Variants in CSMD1 observed in about 807,000 individuals in gnomAD.
CSMD1 encodes the protein CUB and Sushi multiple domains 1, also known as CUB and sushi domain-containing protein 1.
In CSMD1, 213 loss-of-function variants were observed where a neutral mutation model predicts 417.5. The observed-to-expected ratio is 0.51, with a 90% CI of 0.46 to 0.57. The LOEUF is 0.57. CSMD1 is among the 20% of genes least tolerant of loss of function. The pLI, the probability that CSMD1 is intolerant of heterozygous loss-of-function variation, is 0.00. For synonymous variants in CSMD1, 2,862 were observed against 1,736.8 expected (o/e 1.65, Z -16.11); for missense variants, 6,923 against 4,529.7 (o/e 1.53, Z -15.17).
intron 25 of CSMD1, among the ~76,000 whole-genome samples, chr8:3,301,155 T>C (rs1804371762): frequency 6.6e-6 from 1 of 152,046 alleles, no homozygotes; most frequent in African/African-American, 2.4e-5. Context: ...TCAAAATCTA[T>C]ATAGACATTA....
intron 3 of CSMD1, among the ~76,000 whole-genome samples, chr8:4,303,899 C>T (rs942171143): frequency 3.9e-5 from 6 of 152,078 alleles, no homozygotes; most frequent in Non-Finnish European, 8.8e-5. Context: ...TTGTGATCTG[C>T]CTGCCTCAGC....
rs183558291 is a variant in CSMD1, at chr8:4,312,214, T to C, written c.415+107739A>G. Among the ~76,000 whole-genome samples the C allele has an allele frequency of 2.1e-4, 32 of 152,000 alleles. No homozygotes were observed. The East Asian group carries it at 6.0e-3, about 29-fold the overall frequency. On this transcript the variant is annotated intron_variant, in intron 3 of 69. Transcript: ENST00000635120. Reference sequence around the variant, plus strand: ...CATACACACTATCTATATGCATGTGTAGAATGCATAGATAGCGTAACTGAT... The same window carrying C: ...CATACACACTATCTATATGCATGTGCAGAATGCATAGATAGCGTAACTGAT...
At chr8:3,941,344 C>G (rs1585004661) in intron 5 of CSMD1, among the ~76,000 whole-genome samples, 1 of 152,094 alleles carries the variant, frequency 6.6e-6, no homozygotes, top group Non-Finnish European at 1.5e-5. Flanking sequence ...TTTTCTTCTA[C>G]ATTGTATAAT....
At chr8:4,034,293 T>A (rs1158786784) in intron 3 of CSMD1, among the ~76,000 whole-genome samples, 1 of 152,220 alleles carries the variant, frequency 6.6e-6, no homozygotes, top group Non-Finnish European at 1.5e-5. Context: ...TATTGAATAT[T>A]ATTGACATGT....
At chr8:4,196,216 T>TA (rs757560583) in intron 3 of CSMD1, among the ~76,000 whole-genome samples, 23 of 152,090 alleles carry the variant, frequency 1.5e-4, no homozygotes, top group Middle Eastern at 3.4e-3. Flanking sequence ...GTTTCAAAAA[T>TA]AAATAAATAA....
At chr8:3,440,241 G>A (rs1444986533) in intron 12 of CSMD1, among the ~76,000 whole-genome samples, 1 of 152,090 alleles carries the variant, frequency 6.6e-6, no homozygotes, top group Non-Finnish European at 1.5e-5. Context: ...ATCAATTTGG[G>A]AGATTTGAGA....
intron 3 of CSMD1, among the ~76,000 whole-genome samples, chr8:4,285,998 G>T (rs537068546): frequency 6.6e-6 from 1 of 152,166 alleles, no homozygotes; most frequent in African/African-American, 2.4e-5. Flanking sequence ...ACCTCTGACA[G>T]CAAGCAGGTT....
chr8:3,129,221 A>C (rs778735156), intron 41 of CSMD1, among the ~76,000 whole-genome samples: 1 of 152,216 alleles, frequency 6.6e-6, no homozygotes, highest in Admixed American at 6.5e-5. Flanking sequence ...AAGGGGATTT[A>C]TGGGTATCTC....
At chr8:3,058,068 T>G (rs1812355057) in intron 49 of CSMD1, among the ~76,000 whole-genome samples, 1 of 152,164 alleles carries the variant, frequency 6.6e-6, no homozygotes, top group Non-Finnish European at 1.5e-5. Flanking sequence ...CAAATATTCT[T>G]CTTATTCTGC....
chr8:3,892,652 G>T (rs1471548251), intron 5 of CSMD1, among the ~76,000 whole-genome samples: 1 of 151,502 alleles, frequency 6.6e-6, no homozygotes, highest in Non-Finnish European at 1.5e-5. Flanking sequence ...GCACGTCGTG[G>T]GATTTTTGGA....
intron 25 of CSMD1, 71 bp from the exon 26 acceptor site, chr8:3,284,417 A>T (rs1802988350): frequency 5.8e-6 from 7 of 1,197,472 alleles, no homozygotes; most frequent in Non-Finnish European, 8.5e-6. Context: ...CTGTAAAGTA[A>T]GCAAGCTCAT....
At chr8:4,696,889 C>A (rs1198157944) in intron 1 of CSMD1, among the ~76,000 whole-genome samples, 1 of 152,160 alleles carries the variant, frequency 6.6e-6, no homozygotes, top group Non-Finnish European at 1.5e-5. Context: ...TTCAAAAAAT[C>A]AGGGCCAGGT....
At chr8:4,967,922 T>A (rs6991718) in intron 1 of CSMD1, among the ~76,000 whole-genome samples, 56,997 of 151,786 alleles carry the variant, frequency 0.38, 11,165 homozygotes, top group Non-Finnish European at 0.43. Context: ...TTTGAAACTT[T>A]CCAAAATGAT....
intron 52 of CSMD1, among the ~76,000 whole-genome samples, chr8:3,007,354 T>G (rs1486129371): frequency 4.6e-5 from 7 of 151,858 alleles, no homozygotes; most frequent in Non-Finnish European, 4.4e-5. Flanking sequence ...ATTGTGGAAG[T>G]CAGTGTGGCG....
intron 30 of CSMD1, among the ~76,000 whole-genome samples, chr8:3,211,140 G>C (rs1013110660): frequency 6.6e-6 from 1 of 152,148 alleles, no homozygotes; most frequent in Non-Finnish European, 1.5e-5. Flanking sequence ...AACCTTCAGA[G>C]CTCAAGTGAT....
chr8:4,224,755 A>T (rs1743846518), intron 3 of CSMD1, among the ~76,000 whole-genome samples: 1 of 152,180 alleles, frequency 6.6e-6, no homozygotes, highest in Non-Finnish European at 1.5e-5. Context: ...TCCCCATAGT[A>T]TTAACCTGTA....
chr8:4,745,785 C>G (rs1013504775), intron 1 of CSMD1, among the ~76,000 whole-genome samples: 1 of 152,136 alleles, frequency 6.6e-6, no homozygotes, highest in Non-Finnish European at 1.5e-5. Context: ...TTTTGAACTT[C>G]TACCACAAGT....
At chr8:4,118,596 T>G (rs1033046882) in intron 3 of CSMD1, among the ~76,000 whole-genome samples, 1 of 152,166 alleles carries the variant, frequency 6.6e-6, no homozygotes, top group Non-Finnish European at 1.5e-5. Flanking sequence ...AAACAATAGA[T>G]GCTGGCAAGG....
At chr8:4,146,743 C>CT (rs1804159993) in intron 3 of CSMD1, among the ~76,000 whole-genome samples, 1 of 149,178 alleles carries the variant, frequency 6.7e-6, no homozygotes, top group African/African-American at 2.6e-5. Flanking sequence ...TCCAGAGGAG[C>CT]TGGGACTACA....
Sources: allele counts gnomAD v4.1 joint callset (sites outside exome capture counted in the v4.1 genomes callset), GRCh38; gene constraint gnomAD v4.1.1; transcripts MANE v1.5; gene names NCBI Gene and HGNC (gene_info 2026-07-23, HGNC 2026-07-21).